FBN1: variants seen among roughly 807,000 people sequenced by gnomAD.
FBN1 encodes the protein fibrillin-1.
A neutral mutation model predicts 365.1 loss-of-function variants in FBN1; 29 were observed. The ratio of observed to expected loss-of-function variants is 0.08; its 90% confidence interval spans 0.06 to 0.11. FBN1 has a LOEUF of 0.11. Among genes scored for constraint, FBN1 ranks in the 10% least tolerant of loss-of-function variants. The pLI is 1.00. For missense variants in FBN1, 2,476 were observed against 3,703.2 expected, an observed-to-expected ratio of 0.67 and a Z score of 8.60; for synonymous variants, 1,210 against 1,270.5, an observed-to-expected ratio of 0.95 and a Z score of 1.01.
Position 48,412,431 on chromosome 15 carries a change from G to A in FBN1, c.8226+138C>T, listed in dbSNP as rs548735788. On this transcript the variant is annotated intron_variant, in intron 65 of 65. Coordinates refer to ENST00000316623, the MANE Select transcript of FBN1 (RefSeq NM_000138.5). ...GCCCCACAGCCTCTTGTAAAATACA[G>A]CCTAGAGCTCAGGGAATGTCTGGAG... 4.8e-5 allele frequency: 44 copies of A among 908,970 alleles called. 1 individual carries two copies. In the South Asian group the frequency reaches 5.1e-4, roughly 10 times the overall value. 56.3% of individuals were successfully genotyped at this position (908,970 alleles called of 1,614,324 possible).
intron 47 of FBN1, among the ~76,000 whole-genome samples, chr15:48,446,446 T>C (rs2043159752): frequency 6.6e-6 from 1 of 152,170 alleles, no homozygotes; most frequent in Admixed American, 6.5e-5. Flanking sequence ...GGAAAAAACA[T>C]GGTATATAGA....
At chr15:48,515,302 T>C in intron 12 of FBN1, 85 bp downstream of exon 12, 2 of 1,512,818 alleles carry the variant, frequency 1.3e-6, no homozygotes, top group Non-Finnish European at 1.8e-6. Flanking sequence ...TGGGGTAAGT[T>C]GTTACAGCAG....
At chr15:48,570,395 T>A (rs1269693563) in intron 6 of FBN1, among the ~76,000 whole-genome samples, 1 of 152,078 alleles carries the variant, frequency 6.6e-6, no homozygotes. Flanking sequence ...AATAAAAGGA[T>A]GTATACACAT....
In FBN1 at chr15:48,523,728, G is replaced by A. The variant is rs573005837; in HGVS notation, c.988+2402C>T. 2.6e-4 allele frequency among the ~76,000 whole-genome samples: 37 copies of A among 143,024 alleles called. 1 individual carries two copies. Among genetic ancestry groups the A allele is most frequent in the African/African-American group, 9.4e-4 (33 of 35,168 alleles). The allele number at this position is 143,024 out of a possible 152,430, so 93.8% of individuals were successfully genotyped here. ...GGGTGGCTGGGGGGGGGGGGGAACC[G>A]TTGTGGTGGTATGTCACTTTGTACA... On this transcript the variant is annotated intron_variant, in intron 9 of 65. Transcript: ENST00000316623.
At chr15:48,431,821 T>C (rs2043024578) in intron 55 of FBN1, among the ~76,000 whole-genome samples, 1 of 151,922 alleles carries the variant, frequency 6.6e-6, no homozygotes, top group Non-Finnish European at 1.5e-5. Context: ...CGCCAGCTAA[T>C]TTTTTGTATT....
rs146414985 is a variant in FBN1, at chr15:48,459,099, T to G, written c.5296+1147A>C. On this transcript the variant is annotated intron_variant, in intron 43 of 65. Transcript: ENST00000316623. ...TTTGGACTAGATGAAGTCTGAAGCCTTTCCAGCTCTCCTAGTGGACAACGC... is the reference window on the plus strand; with the variant it reads ...TTTGGACTAGATGAAGTCTGAAGCCGTTCCAGCTCTCCTAGTGGACAACGC... 5.0e-3 allele frequency among the ~76,000 whole-genome samples: 761 copies of G among 152,350 alleles called. 5 individuals carry two copies. The highest frequency in any genetic ancestry group is 0.018 in the African/African-American group (730 of 41,580).
At chr15:48,462,455 CATTTT>C (rs1458639091) in intron 42 of FBN1, among the ~76,000 whole-genome samples, 2 of 152,022 alleles carry the variant, frequency 1.3e-5, no homozygotes, top group Non-Finnish European at 2.9e-5. Flanking sequence ...ACTTTCCTTT[CATTTT>C]GAGTTTTCTT....
Position 48,474,560 on chromosome 15 carries a change from G to T in FBN1, c.4055C>A (p.Pro1352His), listed in dbSNP as rs1459728237. ...CTTAATGCCATCTCCAATCCACCCG[G>T]GACTGCAGCTACATTTGAAGCTTCC... ...TAGSFKCSCS[P>H]GWIGDGIKCT... The change falls in exon 33 of 66, where the codon CCC becomes CAC. Residue 1352 changes from proline to histidine, a missense_variant. Physicochemically the swap from Pro to His is moderately conservative, Grantham distance 77. Around this residue, in one of 5 missense-constraint regions of FBN1, gnomAD observed 1,780 missense variants for 2,840.8 expected, o/e 0.63. Transcript: ENST00000316623. 7.4e-6 allele frequency: 12 copies of T among 1,613,968 alleles called. No homozygotes were observed. The highest frequency in any genetic ancestry group is 9.3e-6 in the Non-Finnish European group (11 of 1,180,010).
At chr15:48,641,814 A>C (rs1181966846) in intron 2 of FBN1, 1 of 152,234 alleles carries the variant, frequency 6.6e-6, no homozygotes, top group Non-Finnish European at 1.5e-5. Flanking sequence ...ACAGCAGGGC[A>C]CCGTTAAAGG....
intron 8 of FBN1, among the ~76,000 whole-genome samples, chr15:48,533,210 G>C (rs2043987358): frequency 1.3e-5 from 2 of 152,212 alleles, no homozygotes; most frequent in African/African-American, 4.8e-5. Context: ...ATCCATCTAA[G>C]TGAAACCTCA....
intron 6 of FBN1, among the ~76,000 whole-genome samples, chr15:48,572,824 A>G (rs571432221): frequency 1.6e-4 from 24 of 152,320 alleles, no homozygotes; most frequent in African/African-American, 4.8e-4. Context: ...AAAATTCATG[A>G]AATGTTGACA....
intron 2 of FBN1, among the ~76,000 whole-genome samples, chr15:48,627,574 G>C (rs567992444): frequency 6.6e-6 from 1 of 152,314 alleles, no homozygotes; most frequent in South Asian, 2.1e-4. Context: ...GCAGGCAACT[G>C]TCTGACCCGG....
intron 5 of FBN1, among the ~76,000 whole-genome samples, chr15:48,599,361 G>A (rs57647379): frequency 0.014 from 2,145 of 152,184 alleles, 47 homozygotes; most frequent in African/African-American, 0.05. Flanking sequence ...TTTGAATAAA[G>A]TATTAAGTGA....
At chr15:48,639,985 T>G (rs1597649603) in intron 2 of FBN1, among the ~76,000 whole-genome samples, 1 of 152,196 alleles carries the variant, frequency 6.6e-6, no homozygotes, top group East Asian at 1.9e-4. Flanking sequence ...TCTAATAATT[T>G]TTTAGTATTT....
rs765579667 is a variant in FBN1 at position 48,515,383 on chromosome 15, G to A, written c.1468+4C>T. ...TTGGTGCCAACCTAGGATGGATCAC[G>A]TACCAATACACTCCCCACGGAGGTC... is the stretch of plus-strand genomic sequence containing the variant. On this transcript the variant is annotated splice_donor_region_variant and intron_variant, in intron 12 of 65. Transcript: ENST00000316623. 1.7e-5 allele frequency: 28 copies of A among 1,613,706 alleles called. No individual in the cohort carries two copies. The highest frequency in any genetic ancestry group is 4.5e-5 in the East Asian group (2 of 44,894).
chr15:48,637,252 T>TA (rs1890110539), intron 2 of FBN1, among the ~76,000 whole-genome samples: 1 of 152,236 alleles, frequency 6.6e-6, no homozygotes, highest in African/African-American at 2.4e-5. Flanking sequence ...CTCTTCTCTC[T>TA]AATCATCTAC....
chr15:48,471,089 T>C (rs1020495641), intron 35 of FBN1, among the ~76,000 whole-genome samples: 3 of 152,176 alleles, frequency 2.0e-5, no homozygotes, highest in African/African-American at 7.2e-5. Flanking sequence ...TCGTTTTTTT[T>C]TTTTAATCTA....
chr15:48,625,690 T>C (rs1478092064), intron 2 of FBN1, among the ~76,000 whole-genome samples: 1 of 152,220 alleles, frequency 6.6e-6, no homozygotes, highest in African/African-American at 2.4e-5. Flanking sequence ...GGCTCACAGA[T>C]AGACTTCAGT....
chr15:48,501,719 C>G (rs2141312895), intron 17 of FBN1, among the ~76,000 whole-genome samples: 1 of 152,290 alleles, frequency 6.6e-6, no homozygotes, highest in East Asian at 1.9e-4. Context: ...AATCATTCAA[C>G]ATGTGAACAA....
Sources: allele counts gnomAD v4.1 joint callset (sites outside exome capture counted in the v4.1 genomes callset), GRCh38; gene constraint gnomAD v4.1.1; regional missense constraint gnomAD v4.1.1; transcripts MANE v1.5; gene names NCBI Gene and HGNC (gene_info 2026-07-23, HGNC 2026-07-21).